The following UBN2 variants were observed in gnomAD, a reference collection of about 807,000 sequenced individuals.
The protein encoded by UBN2 is ubinuclein-2.
A neutral mutation model predicts 120.2 loss-of-function variants in UBN2; 35 were observed. That is an observed-to-expected ratio of 0.29 (90% CI 0.22 to 0.39). The LOEUF is 0.39. Among genes scored for constraint, UBN2 ranks in the 10% least tolerant of loss-of-function variants. UBN2 has a pLI of 1.00. For synonymous variants in UBN2, 661 were observed against 648.7 expected (o/e 1.02, Z -0.29); for missense variants, 1,693 against 1,663.2 (o/e 1.02, Z -0.31).
intron 1 of UBN2, among the ~76,000 whole-genome samples, chr7:139,234,349 A>C (rs1796107768): frequency 6.6e-6 from 1 of 152,210 alleles, no homozygotes; most frequent in Non-Finnish European, 1.5e-5. Flanking sequence ...ATGTGGGTGC[A>C]TTTAAATCAG....
chr7:139,274,674 A>C (rs1797387363), intron 11 of UBN2, among the ~76,000 whole-genome samples: 1 of 152,022 alleles, frequency 6.6e-6, no homozygotes, highest in South Asian at 2.1e-4. Context: ...AGACAGGAGA[A>C]TCGCTTGAAC....
At chr7:139,269,603 C>G in intron 8 of UBN2, 80 bp downstream of exon 8, 27 of 1,454,784 alleles carry the variant, frequency 1.9e-5, no homozygotes, top group Non-Finnish European at 2.4e-5. Flanking sequence ...GGCCTTTGCA[C>G]ATTAATTGAT....
chr7:139,234,260 C>G (rs891240534), intron 1 of UBN2, among the ~76,000 whole-genome samples: 1 of 151,822 alleles, frequency 6.6e-6, no homozygotes, highest in African/African-American at 2.4e-5. Context: ...GATTTTAGCT[C>G]CAGATGCTGA....
At position 139,303,615 on chromosome 7, in the gene UBN2, A is replaced by T. The variant is rs573030435; in HGVS notation, c.*5779A>T. 1 of 152,354 alleles carries T rather than the reference A, an allele frequency of 6.6e-6. No homozygotes were observed. The highest frequency in any genetic ancestry group is 1.9e-4 in the East Asian group (1 of 5,186). The allele number at this position is 152,354 out of a possible 1,614,324, so 9.4% of individuals were successfully genotyped here. ...TCATATTCACCTACCTCCCAGGGAT[A>T]TCAGAGACTTTACTATTTCAAAAAT... On this transcript the variant is annotated 3_prime_UTR_variant, in exon 18 of 18. Transcript: ENST00000473989.
Position 139,261,637 on chromosome 7 carries a change from A to G in UBN2, c.1291A>G (p.Thr431Ala), listed in dbSNP as rs1401002388. 1 of 1,613,978 alleles carries G rather than the reference A, an allele frequency of 6.2e-7. No individual in the cohort carries two copies. Among genetic ancestry groups the G allele is most frequent in the African/African-American group, 1.3e-5 (1 of 74,882 alleles). The change falls in exon 6 of 18, where the codon ACC becomes GCC. Residue 431 changes from threonine (T) to alanine (A), a missense_variant. Around this residue, in one of 5 missense-constraint regions of UBN2, gnomAD observed 663 missense variants for 591.2 expected, o/e 1.12. Transcript: ENST00000473989. ...TGAGTCGGGGGGTGAAAATGGAACC[A>G]CCACCCAGCCAACCTACACTTCTCA... is the stretch of plus-strand genomic sequence containing the variant. ...LSESGGENGT[T>A]TQPTYTSQVM...
intron 11 of UBN2, among the ~76,000 whole-genome samples, chr7:139,275,144 G>C (rs1385167455): frequency 6.6e-6 from 1 of 151,710 alleles, no homozygotes; most frequent in Non-Finnish European, 1.5e-5. Flanking sequence ...TGGGCATGGT[G>C]GTGGGCACCT....
the UBN2 span, among the ~76,000 whole-genome samples, chr7:139,327,183 G>A: frequency 6.6e-6 from 1 of 152,068 alleles, no homozygotes; most frequent in Non-Finnish European, 1.5e-5. Context: ...ACAGGCATGT[G>A]CCACCACACC....
intron 3 of UBN2, among the ~76,000 whole-genome samples, chr7:139,252,523 T>A (rs1343008136): frequency 6.6e-6 from 1 of 152,094 alleles, no homozygotes; most frequent in Admixed American, 6.6e-5. Flanking sequence ...TTTCTTTTGA[T>A]TTTTTTTCCA....
chr7:139,257,142 A>G (rs1796785508), intron 3 of UBN2, among the ~76,000 whole-genome samples: 1 of 152,148 alleles, frequency 6.6e-6, no homozygotes, highest in East Asian at 1.9e-4. Context: ...CCTACTTTGA[A>G]CACCTTCATT....
the UBN2 span, among the ~76,000 whole-genome samples, chr7:139,326,256 AAAACAAACAAACAAAC>A: frequency 2.0e-5 from 3 of 151,662 alleles, no homozygotes; most frequent in Admixed American, 6.6e-5. Context: ...ACTCTGTCTC[AAAACAAACAAACAAAC>A]AAACAAACAA....
the UBN2 span, among the ~76,000 whole-genome samples, chr7:139,328,359 G>A: frequency 6.6e-6 from 1 of 152,190 alleles, no homozygotes; most frequent in Admixed American, 6.5e-5. Flanking sequence ...CGAATAGCAA[G>A]GGGGAGATCC....
intron 2 of UBN2, among the ~76,000 whole-genome samples, chr7:139,238,330 G>T (rs1796219254): frequency 6.6e-6 from 1 of 152,160 alleles, no homozygotes; most frequent in Non-Finnish European, 1.5e-5. Context: ...AAGTAGATGA[G>T]AATAGATTGG....
At chr7:139,268,812 T>G (rs1797175727) in intron 7 of UBN2, among the ~76,000 whole-genome samples, 1 of 152,198 alleles carries the variant, frequency 6.6e-6, no homozygotes, top group African/African-American at 2.4e-5. Flanking sequence ...ACCATAGAGT[T>G]TGCCCCTGTA....
intron 3 of UBN2, 100 bp from the exon 4 acceptor site, chr7:139,258,388 G>C: frequency 1.1e-6 from 1 of 889,634 alleles, no homozygotes; most frequent in Non-Finnish European, 1.6e-6. Flanking sequence ...GTTGCAGTTA[G>C]GATTTAAGGG....
chr7:139,234,373 T>C (rs1796108627), intron 1 of UBN2, among the ~76,000 whole-genome samples: 1 of 152,176 alleles, frequency 6.6e-6, no homozygotes, highest in African/African-American at 2.4e-5. Context: ...CCTTCTTAAA[T>C]ACTAAATGAA....
chr7:139,243,862 C>A (rs1427445125), intron 2 of UBN2, among the ~76,000 whole-genome samples: 2 of 152,134 alleles, frequency 1.3e-5, no homozygotes, highest in Non-Finnish European at 2.9e-5. Context: ...GAAAGAGCTA[C>A]TCAGGTTTGG....
At chr7:139,256,702 CT>C (rs1420567347) in intron 3 of UBN2, among the ~76,000 whole-genome samples, 1 of 152,166 alleles carries the variant, frequency 6.6e-6, no homozygotes. Flanking sequence ...TCCCTCACCC[CT>C]CATATCACTT....
chr7:139,324,570 A>AAAAAAG, the UBN2 span, among the ~76,000 whole-genome samples: 199 of 148,586 alleles, frequency 1.3e-3, 3 homozygotes, highest in South Asian at 2.5e-3. Flanking sequence ...AAAAAAAAAA[A>AAAAAAG]AAAAAGAAAA....
chr7:139,283,547 T>C lies in UBN2; in HGVS notation c.2642T>C (p.Leu881Pro), dbSNP rs935043459. The C allele has an allele frequency of 1.9e-6, 3 of 1,614,056 alleles. No homozygotes were observed. Among genetic ancestry groups the C allele is most frequent in the African/African-American group, 2.7e-5 (2 of 74,906 alleles). The change falls in exon 15 of 18, where the codon CTT becomes CCT. Residue 881 changes from leucine to proline, a missense_variant. Around this residue, in one of 5 missense-constraint regions of UBN2, gnomAD observed 837 missense variants for 817.6 expected, o/e 1.02. Transcript: ENST00000473989. Reference protein sequence around the residue: ...PLPARLLQQGLQRSSQIHTSS... With the variant: ...PLPARLLQQGPQRSSQIHTSS... ...CCAGCCAGGCTACTTCAACAAGGAC[T>C]TCAGAGGTCAAGCCAGATTCACACT...
Sources: gnomAD v4.1 joint callset for allele counts (sites outside exome capture counted in the v4.1 genomes callset) on GRCh38, gnomAD v4.1.1 for gene constraint, gnomAD v4.1.1 regional missense constraint, MANE v1.5 for transcripts, NCBI Gene and HGNC (gene_info 2026-07-23, HGNC 2026-07-21) for gene names.